Variants in ABCB7 observed in about 807,000 individuals in gnomAD.
ABCB7 encodes the protein iron-sulfur clusters transporter ABCB7, mitochondrial.
In ABCB7, 7 loss-of-function variants were observed where a neutral mutation model predicts 54.4. The observed-to-expected ratio is 0.13, with a 90% CI of 0.07 to 0.24. The LOEUF (loss-of-function observed/expected upper bound fraction) is 0.24, where lower values mean the gene tolerates loss of function less well. ABCB7 is among the 10% of genes least tolerant of loss of function. The pLI is 1.00. For missense variants in ABCB7, 356 were observed against 570.4 expected (o/e 0.62, Z 3.83); for synonymous variants, 218 against 207.1 (o/e 1.05, Z -0.45).
At position 75,053,443 on chromosome X, in the gene ABCB7, T is replaced by C. The variant is rs863223869; in HGVS notation, c.2186A>G (p.Lys729Arg). Residue 729 changes from lysine (K) to arginine (R), a missense_variant, in exon 16 of 16, where the codon AAA becomes AGA. Physicochemically the swap from Lys to Arg is conservative, Grantham distance 26 (BLOSUM62 2). Coordinates refer to ENST00000373394, the MANE Select transcript of ABCB7 (RefSeq NM_001271696.3). ...TTGTAGTTTCTTTCTTTCCTCCTCT[T>C]TGGATATATTTTCTTTCTTTGCTTC... ...KWEAKKENISKEEERKKLQEE... is the reference protein window; with the variant it reads ...KWEAKKENISREEERKKLQEE... 3 of 1,209,340 alleles carry C rather than the reference T, an allele frequency of 2.5e-6. No individual in the cohort carries two copies. The highest frequency in any genetic ancestry group is 2.2e-5 in the Admixed American group (1 of 45,795).
chrX:75,098,139 T>C (rs886262580), intron 4 of ABCB7, among the ~76,000 whole-genome samples: 2 of 110,217 alleles, frequency 1.8e-5, no homozygotes, highest in African/African-American at 6.6e-5. Flanking sequence ...TGAAACCCCA[T>C]CTCTACTAAA....
chrX:75,121,968 C>T (rs776817498), intron 1 of ABCB7, among the ~76,000 whole-genome samples: 1 of 111,012 alleles, frequency 9.0e-6, no homozygotes, highest in African/African-American at 3.3e-5. Flanking sequence ...GAAATTGCAT[C>T]AGATGGATCT....
chrX:75,051,725 A>G lies in ABCB7; in HGVS notation c.*1645T>C, dbSNP rs2081197346. 1 of 112,472 alleles carries G rather than the reference A, an allele frequency of 8.9e-6. No homozygotes were observed. Among genetic ancestry groups the G allele is most frequent in the South Asian group, 3.7e-4 (1 of 2,726 alleles). The allele number at this position is 112,472 out of a possible 1,213,427, so 9.3% of individuals were successfully genotyped here. A position where few individuals can be genotyped will look rare whatever the true frequency, so the allele number is the denominator to read the frequency against. ...ATCTTTTAATAAATTCTGAAGTGTCAACACAGATTAGAGTCTTGATCATCT... is the reference window on the plus strand; with the variant it reads ...ATCTTTTAATAAATTCTGAAGTGTCGACACAGATTAGAGTCTTGATCATCT... On this transcript the variant is annotated 3_prime_UTR_variant, in exon 16 of 16. Coordinates refer to ENST00000373394, the MANE Select transcript of ABCB7 (RefSeq NM_001271696.3).
intron 1 of ABCB7, among the ~76,000 whole-genome samples, chrX:75,142,644 C>G (rs1456704777): frequency 8.9e-6 from 1 of 112,519 alleles, no homozygotes; most frequent in Non-Finnish European, 1.9e-5. Flanking sequence ...CACAAGACTT[C>G]AATATTCATC....
chrX:75,071,243 A>C (rs1335800560), intron 9 of ABCB7, among the ~76,000 whole-genome samples: 1 of 110,906 alleles, frequency 9.0e-6, no homozygotes, highest in Admixed American at 9.6e-5. Flanking sequence ...AAAGCTAGAT[A>C]CTAAAAAAAA....
intron 9 of ABCB7, among the ~76,000 whole-genome samples, chrX:75,070,893 G>C (rs756620214): frequency 9.1e-6 from 1 of 110,408 alleles, no homozygotes; most frequent in Non-Finnish European, 1.9e-5. Context: ...TAGATATCAC[G>C]ATTAAGGATG....
intron 1 of ABCB7, among the ~76,000 whole-genome samples, chrX:75,130,750 A>C (rs764141174): frequency 3.6e-5 from 4 of 111,496 alleles, no homozygotes; most frequent in Non-Finnish European, 7.5e-5. Context: ...AACTTAGCCT[A>C]GGAAGAAAGA....
rs1308326771 is a variant in ABCB7 at position 75,065,148 on chromosome X, C to A, written c.1753G>T (p.Ala585Ser). ...CGAAGAATTGCATCATGAAGTCCAG[C>A]TAATTTTGCCACTGCATACACTTCC... Reference protein sequence around the residue: ...PEEVYAVAKLAGLHDAILRMP... With the variant: ...PEEVYAVAKLSGLHDAILRMP... The change falls in exon 13 of 16, where the codon GCT (alanine) becomes TCT (serine). Residue 585 changes from alanine (A) to serine (S), a missense_variant. Ala to Ser is a moderately conservative substitution (Grantham distance 99, BLOSUM62 1). Around this residue, in one of 2 missense-constraint regions of ABCB7, gnomAD observed 241 missense variants for 470.9 expected, o/e 0.51. Transcript: ENST00000373394. The A allele has an allele frequency of 1.7e-6, 2 of 1,210,480 alleles. No homozygotes were observed.
At chrX:75,089,883 T>C (rs2081531036) in intron 4 of ABCB7, among the ~76,000 whole-genome samples, 1 of 110,203 alleles carries the variant, frequency 9.1e-6, no homozygotes, top group Admixed American at 9.6e-5. Context: ...GAATTATATG[T>C]AAACGGATGA....
chrX:75,120,651 G>A (rs1406704470), intron 1 of ABCB7, among the ~76,000 whole-genome samples: 1 of 110,555 alleles, frequency 9.0e-6, no homozygotes, highest in Non-Finnish European at 1.9e-5. Flanking sequence ...TTTTGCAACA[G>A]GACACAATTG....
chrX:75,103,854 G>A (rs72630731), intron 3 of ABCB7, among the ~76,000 whole-genome samples: 13,674 of 107,969 alleles, frequency 0.13, 1,558 homozygotes, highest in East Asian at 0.9. Flanking sequence ...TTTATCAGAT[G>A]TAAGAGTTTC....
intron 3 of ABCB7, 36 bp from the exon 4 acceptor site, chrX:75,099,097 T>C (rs1206070617): frequency 2.5e-6 from 3 of 1,184,511 alleles, no homozygotes; most frequent in South Asian, 1.8e-5. Flanking sequence ...GTGAATAACA[T>C]GTCATTTCAA....
chrX:75,144,494 T>TA (rs2147574248), intron 1 of ABCB7, among the ~76,000 whole-genome samples: 1 of 111,578 alleles, frequency 9.0e-6, no homozygotes, highest in Non-Finnish European at 1.9e-5. Flanking sequence ...TGAAAACCAC[T>TA]AAATAAATAG....
chrX:75,142,622 C>A (rs1401806343), intron 1 of ABCB7, among the ~76,000 whole-genome samples: 1 of 112,428 alleles, frequency 8.9e-6, no homozygotes, highest in African/African-American at 3.2e-5. Context: ...ATCCACCAGT[C>A]CAACATCTAC....
At chrX:75,085,726 CCT>C (rs778307165) in intron 4 of ABCB7, among the ~76,000 whole-genome samples, 4 of 111,443 alleles carry the variant, frequency 3.6e-5, no homozygotes, top group Admixed American at 9.5e-5. Context: ...GTTTCATACC[CCT>C]GTTACTTTTT....
At chrX:75,095,468 G>T (rs1265725241) in intron 4 of ABCB7, among the ~76,000 whole-genome samples, 1 of 112,731 alleles carries the variant, frequency 8.9e-6, no homozygotes, top group Non-Finnish European at 1.9e-5. Context: ...AATAAACAAT[G>T]ATCACTTTTT....
At position 75,099,109 on chromosome X, in the gene ABCB7, C is replaced by T. The variant is rs5981321; in HGVS notation, c.334-48G>A. ...GCAGTGAATAACATGTCATTTCAAACATAACCATAATTCAATAACGTAGAA... is the reference window on the plus strand; with the variant it reads ...GCAGTGAATAACATGTCATTTCAAATATAACCATAATTCAATAACGTAGAA... On this transcript the variant is annotated intron_variant, in intron 3 of 15. Coordinates refer to ENST00000373394, the MANE Select transcript of ABCB7 (RefSeq NM_001271696.3). 6,509 of 1,151,193 alleles carry T rather than the reference C, an allele frequency of 5.7e-3. 230 individuals are homozygous for T. The African/African-American group carries it at 0.1, about 18-fold the overall frequency. 94.9% of individuals were successfully genotyped at this position (1,151,193 alleles called of 1,213,427 possible).
At chrX:75,120,424 A>T (rs1443920183) in intron 1 of ABCB7, among the ~76,000 whole-genome samples, 1 of 109,188 alleles carries the variant, frequency 9.2e-6, no homozygotes, top group Non-Finnish European at 1.9e-5. Context: ...CAGCCTGGCT[A>T]ATGGTAAAAC....
At chrX:75,074,254 G>A (rs1569221756) in intron 6 of ABCB7, among the ~76,000 whole-genome samples, 3 of 111,132 alleles carry the variant, frequency 2.7e-5, no homozygotes, top group African/African-American at 9.8e-5. Flanking sequence ...AACTATAAAA[G>A]GTGAAATTGC....
Sources: allele counts gnomAD v4.1 joint callset (sites outside exome capture counted in the v4.1 genomes callset), GRCh38; gene constraint gnomAD v4.1.1; regional missense constraint gnomAD v4.1.1; transcripts MANE v1.5; gene names NCBI Gene and HGNC (gene_info 2026-07-23, HGNC 2026-07-21).